The following TPX2 variants were observed in gnomAD, a reference collection of about 807,000 sequenced individuals.
TPX2 encodes TPX2 microtubule nucleation factor, also known as targeting protein for Xklp2.
In TPX2, 21 loss-of-function variants were observed where a neutral mutation model predicts 93.6. That is an observed-to-expected ratio of 0.22 (90% CI 0.16 to 0.32). The LOEUF (loss-of-function observed/expected upper bound fraction) is 0.32, where lower values mean the gene tolerates loss of function less well. Ranked by LOEUF, TPX2 falls within the 10% of genes least tolerant of loss-of-function variation. The pLI is 1.00. For synonymous variants in TPX2, 281 were observed against 298.3 expected, an observed-to-expected ratio of 0.94 and a Z score of 0.60; for missense variants, 776 against 871.1, an observed-to-expected ratio of 0.89 and a Z score of 1.37.
At chr20:31,768,384 C>T (rs974596953) in intron 5 of TPX2, among the ~76,000 whole-genome samples, 9 of 151,588 alleles carry the variant, frequency 5.9e-5, no homozygotes, top group East Asian at 1.9e-4. Context: ...TACAGGCGCC[C>T]GCCACTACGC....
chr20:31,792,302 T>C (rs999674235), intron 12 of TPX2, among the ~76,000 whole-genome samples: 1 of 152,004 alleles, frequency 6.6e-6, no homozygotes, highest in Non-Finnish European at 1.5e-5. Flanking sequence ...GAGGTTACAG[T>C]GAGCCGAGAT....
chr20:31,777,673 T>G, intron 9 of TPX2, 35 bp downstream of exon 9: 1 of 1,598,790 alleles, frequency 6.3e-7, no homozygotes, highest in Non-Finnish European at 8.6e-7. Context: ...TTTCTGTTAC[T>G]AATATTCATT....
chr20:31,747,489 G>A lies in TPX2; in HGVS notation c.-71+4842G>A, dbSNP rs541959463. Among the ~76,000 whole-genome samples the A allele has an allele frequency of 3.3e-5, 5 of 151,938 alleles. No homozygotes were observed. In the South Asian group the frequency reaches 1.0e-3, roughly 32 times the overall value. ...ATCTATCTATCTATCTATCGTTTTA[G>A]TCTTCGCTTTTTGGAAACAAAAATG... On this transcript the variant is annotated intron_variant, in intron 2 of 17. Coordinates refer to ENST00000300403, the MANE Select transcript of TPX2 (RefSeq NM_012112.5).
intron 17 of TPX2, among the ~76,000 whole-genome samples, chr20:31,800,493 A>G (rs2062164220): frequency 6.6e-6 from 1 of 152,190 alleles, no homozygotes; most frequent in African/African-American, 2.4e-5. Context: ...GGATGGGACC[A>G]TGCCTTCTTT....
At position 31,798,508 on chromosome 20, in the gene TPX2, G is replaced by A. The variant is rs1439114512; in HGVS notation, c.2089G>A (p.Glu697Lys). 2 of 1,612,476 alleles carry A rather than the reference G, an allele frequency of 1.2e-6. No homozygotes were observed. The highest frequency in any genetic ancestry group is 1.7e-6 in the Non-Finnish European group (2 of 1,179,804). ...GTTGGAGGAGGCCAGACTACAGGAG[G>A]AAGAGCAGAAAAAAGAGGAGCTGGC... ...QQLEEARLQE[E>K]EQKKEELARL... The change falls in exon 17 of 18, where the codon GAA becomes AAA. Residue 697 changes from glutamate to lysine, a missense_variant. Around this residue, in one of 3 missense-constraint regions of TPX2, gnomAD observed 461 missense variants for 551.2 expected, o/e 0.84. Transcript: ENST00000300403.
At chr20:31,741,816 C>T (rs573275487) in intron 1 of TPX2, among the ~76,000 whole-genome samples, 3 of 151,638 alleles carry the variant, frequency 2.0e-5, no homozygotes, top group Non-Finnish European at 2.9e-5. Flanking sequence ...GGTTTCACCA[C>T]GTTGGCCAGG....
At chr20:31,769,461 G>A (rs990051268) in intron 5 of TPX2, among the ~76,000 whole-genome samples, 1 of 151,976 alleles carries the variant, frequency 6.6e-6, no homozygotes, top group African/African-American at 2.4e-5. Flanking sequence ...TGGGACTACA[G>A]GCGCCCGCCG....
chr20:31,763,030 G>C (rs542122246), intron 4 of TPX2, among the ~76,000 whole-genome samples: 1 of 152,068 alleles, frequency 6.6e-6, no homozygotes, highest in African/African-American at 2.4e-5. Flanking sequence ...CCATTTGTCT[G>C]TGTGTCTGTT....
Position 31,792,724 on chromosome 20 carries a change from A to C in TPX2, c.1414-11A>C. 1 of 1,608,020 alleles carries C rather than the reference A, an allele frequency of 6.2e-7. No individual in the cohort carries two copies. Among genetic ancestry groups the C allele is most frequent in the Admixed American group, 1.7e-5 (1 of 60,006 alleles). On this transcript the variant is annotated splice_polypyrimidine_tract_variant and intron_variant, in intron 12 of 17. Coordinates refer to ENST00000300403, the MANE Select transcript of TPX2 (RefSeq NM_012112.5). ...TTTGTGATATCTAATTGAGTTGCTT[A>C]CTCCTTTCAGGGTGTTCCTGAAAAG...
intron 7 of TPX2, 30 bp from the exon 8 acceptor site, chr20:31,775,837 T>C: frequency 6.6e-7 from 1 of 1,505,222 alleles, no homozygotes; most frequent in Non-Finnish European, 8.9e-7. Flanking sequence ...TCTCCTCTCC[T>C]CTCTTCTCAT....
chr20:31,786,915 A>G (rs2123070621), intron 12 of TPX2, among the ~76,000 whole-genome samples: 1 of 152,226 alleles, frequency 6.6e-6, no homozygotes, highest in Non-Finnish European at 1.5e-5. Context: ...CCGAATTGAT[A>G]CGATTTGCGG....
At chr20:31,784,937 A>G (rs2062056169) in intron 12 of TPX2, among the ~76,000 whole-genome samples, 1 of 152,216 alleles carries the variant, frequency 6.6e-6, no homozygotes, top group South Asian at 2.1e-4. Flanking sequence ...TAACTCTAGA[A>G]GCACTCTGTT....
At chr20:31,766,493 G>GTGTGTGTGTGTC (rs956195512) in intron 4 of TPX2, 63 bp from the exon 5 acceptor site, 2 of 1,446,918 alleles carry the variant, frequency 1.4e-6, no homozygotes, top group African/African-American at 2.8e-5. Context: ...GTGTGTGTGT[G>GTGTGTGTGTGTC]TGTCTCATCT....
chr20:31,794,168 A>G (rs2062120535), intron 14 of TPX2, 144 bp downstream of exon 14: 1 of 1,093,074 alleles, frequency 9.1e-7, no homozygotes, highest in East Asian at 2.6e-5. Flanking sequence ...GGGACAAGTA[A>G]TTTAAATAAT....
chr20:31,772,400 C>T (rs2061969915), intron 7 of TPX2, among the ~76,000 whole-genome samples: 1 of 152,076 alleles, frequency 6.6e-6, no homozygotes, highest in Admixed American at 6.6e-5. Context: ...TGGCCTCAAG[C>T]AGTCCTCTTG....
chr20:31,766,796 T>A (rs1479451954), intron 5 of TPX2, 114 bp downstream of exon 5: 52 of 104,188 alleles, frequency 5.0e-4, no homozygotes, highest in Non-Finnish European at 7.0e-4. Context: ...TTTATGTTAC[T>A]TTTTTTTTTT....
At chr20:31,769,317 G>C (rs568625538) in intron 5 of TPX2, among the ~76,000 whole-genome samples, 1 of 129,648 alleles carries the variant, frequency 7.7e-6, no homozygotes, top group Non-Finnish European at 1.6e-5. Context: ...TAATGATCAC[G>C]CTTTTTTTTT....
At chr20:31,799,396 T>C (rs561588390) in intron 17 of TPX2, among the ~76,000 whole-genome samples, 2 of 152,330 alleles carry the variant, frequency 1.3e-5, no homozygotes, top group African/African-American at 4.8e-5. Context: ...CTGTAGTTAA[T>C]GATATATTGT....
intron 5 of TPX2, among the ~76,000 whole-genome samples, chr20:31,767,909 C>T (rs565215505): frequency 4.2e-4 from 63 of 149,710 alleles, no homozygotes; most frequent in Non-Finnish European, 5.9e-4. Flanking sequence ...TTTCTTGCTT[C>T]TGAAATTTTG....
Sources: gnomAD v4.1 joint callset for allele counts (sites outside exome capture counted in the v4.1 genomes callset) on GRCh38, gnomAD v4.1.1 for gene constraint, gnomAD v4.1.1 regional missense constraint, MANE v1.5 for transcripts, NCBI Gene and HGNC (gene_info 2026-07-23, HGNC 2026-07-21) for gene names.